SP3: variants seen among roughly 807,000 people sequenced by gnomAD.
SP3 encodes transcription factor Sp3.
In SP3, 10 loss-of-function variants were observed where a neutral mutation model predicts 70.3. The observed-to-expected ratio is 0.14, with a 90% CI of 0.09 to 0.24. The LOEUF (loss-of-function observed/expected upper bound fraction) is 0.24, where lower values mean the gene tolerates loss of function less well. Among genes scored for constraint, SP3 ranks in the 10% least tolerant of loss-of-function variants. The pLI is 1.00. For missense variants in SP3, 825 were observed against 914.6 expected (o/e 0.90, Z 1.26); for synonymous variants, 402 against 333.5 (o/e 1.21, Z -2.24).
At chr2:173,928,594 T>C (rs906404317) in intron 4 of SP3, among the ~76,000 whole-genome samples, 9 of 151,646 alleles carry the variant, frequency 5.9e-5, no homozygotes, top group South Asian at 2.1e-4. Flanking sequence ...TTGGTATCAA[T>C]ATAAATAGAA....
intron 3 of SP3, among the ~76,000 whole-genome samples, chr2:173,959,480 C>T (rs902353120): frequency 6.6e-6 from 1 of 152,174 alleles, no homozygotes; most frequent in African/African-American, 2.4e-5. Flanking sequence ...AATCCTAGCA[C>T]TGTGGGAGGC....
intron 3 of SP3, among the ~76,000 whole-genome samples, chr2:173,956,665 C>T (rs754690156): frequency 6.6e-6 from 1 of 152,130 alleles, no homozygotes; most frequent in Non-Finnish European, 1.5e-5. Flanking sequence ...TAAAATCAAA[C>T]AATGAAATCT....
Position 173,964,393 on chromosome 2 carries a change from G to T in SP3, c.156+12C>A, listed in dbSNP as rs1370628710. ...GAGGGGGGAGCCGGGCCGGGGTTCA[G>T]CCGCTCCTCACCTGGGCCGCCGCTG... On this transcript the variant is annotated intron_variant, in intron 2 of 6. Coordinates refer to ENST00000310015, the MANE Select transcript of SP3 (RefSeq NM_003111.5). 5.7e-6 allele frequency: 4 copies of T among 706,324 alleles called. No individual in the cohort carries two copies. Among genetic ancestry groups the T allele is most frequent in the Non-Finnish European group, 1.0e-5 (4 of 388,956 alleles). The allele number at this position is 706,324 out of a possible 1,614,324, so 43.8% of individuals were successfully genotyped here.
chr2:173,925,628 A>AT (rs1689891890), intron 4 of SP3, among the ~76,000 whole-genome samples: 1 of 152,194 alleles, frequency 6.6e-6, no homozygotes, highest in Admixed American at 6.5e-5. Flanking sequence ...ACTCCCATAG[A>AT]GGACTTATTT....
intron 5 of SP3, chr2:173,914,205 A>G (rs1046059068): frequency 6.6e-6 from 1 of 152,160 alleles, no homozygotes; most frequent in African/African-American, 2.4e-5. Flanking sequence ...CTGAATAAAA[A>G]TAAATTAGTT....
At chr2:173,934,026 G>A (rs1000990724) in intron 4 of SP3, among the ~76,000 whole-genome samples, 8 of 151,982 alleles carry the variant, frequency 5.3e-5, no homozygotes, top group Admixed American at 1.3e-4. Flanking sequence ...GAGCCCAGGT[G>A]TTCAAGACCA....
At chr2:173,949,704 C>CA (rs112018851) in intron 4 of SP3, among the ~76,000 whole-genome samples, 4,644 of 152,062 alleles carry the variant, frequency 0.031, 262 homozygotes, top group African/African-American at 0.11. Flanking sequence ...TCTATTTTCT[C>CA]AAAAAAAGAT....
intron 2 of SP3, 91 bp from the exon 3 acceptor site, chr2:173,963,974 G>T: frequency 1.1e-6 from 1 of 879,176 alleles, no homozygotes; most frequent in Non-Finnish European, 1.6e-6. Flanking sequence ...GTACGACTCG[G>T]TCCCCGCCGA....
intron 3 of SP3, among the ~76,000 whole-genome samples, chr2:173,961,081 T>C (rs1369196600): frequency 6.6e-6 from 1 of 152,252 alleles, no homozygotes; most frequent in Non-Finnish European, 1.5e-5. Context: ...TGGTCAAAGT[T>C]AATACTTGCA....
intron 5 of SP3, among the ~76,000 whole-genome samples, chr2:173,918,138 T>C (rs955625180): frequency 6.6e-6 from 1 of 152,090 alleles, no homozygotes; most frequent in Non-Finnish European, 1.5e-5. Context: ...AAGACTGAAC[T>C]GAAATACAAT....
At chr2:173,917,445 G>A (rs1689642390) in intron 5 of SP3, among the ~76,000 whole-genome samples, 1 of 152,062 alleles carries the variant, frequency 6.6e-6, no homozygotes, top group African/African-American at 2.4e-5. Flanking sequence ...TGTTGTGTGT[G>A]CTCTTAGGAG....
chr2:173,918,248 G>A (rs994810454), intron 5 of SP3, among the ~76,000 whole-genome samples: 19 of 151,804 alleles, frequency 1.3e-4, no homozygotes, highest in African/African-American at 1.9e-4. Context: ...TAATTTTTAC[G>A]TAACTACTAT....
intron 4 of SP3, among the ~76,000 whole-genome samples, chr2:173,933,638 T>TTATGTATATATA (rs1690128509): frequency 1.2e-5 from 1 of 86,566 alleles, no homozygotes; most frequent in Non-Finnish European, 2.4e-5. Context: ...TTATAAAACT[T>TTATGTATATATA]TATATATATA....
intron 4 of SP3, among the ~76,000 whole-genome samples, chr2:173,921,693 G>A (rs569123195): frequency 2.6e-5 from 4 of 152,258 alleles, no homozygotes; most frequent in Admixed American, 2.6e-4. Context: ...TCCAGCCTGG[G>A]CAACAAAGAA....
chr2:173,937,945 A>G (rs181067969), intron 4 of SP3, among the ~76,000 whole-genome samples: 1 of 152,380 alleles, frequency 6.6e-6, no homozygotes, highest in Admixed American at 6.5e-5. Context: ...GAATAAAAAT[A>G]CACTAAATCT....
chr2:173,929,404 G>A (rs914609510), intron 4 of SP3, among the ~76,000 whole-genome samples: 4 of 152,186 alleles, frequency 2.6e-5, no homozygotes, highest in African/African-American at 7.2e-5. Context: ...GACAGGATCT[G>A]CGCTGATGGG....
At chr2:173,932,750 T>C (rs1269231935) in intron 4 of SP3, among the ~76,000 whole-genome samples, 1 of 151,956 alleles carries the variant, frequency 6.6e-6, no homozygotes, top group Non-Finnish European at 1.5e-5. Flanking sequence ...CCCAGCACTT[T>C]GGGAGGCCAA....
At position 173,900,970 on chromosome 2, in the gene SP3, G is replaced by A. The variant is rs527489283; in HGVS notation, c.*8971C>T. Among the ~76,000 whole-genome samples, 105 of 152,252 alleles carry A rather than the reference G, an allele frequency of 6.9e-4. No individual in the cohort carries two copies. Among genetic ancestry groups the A allele is most frequent in the Middle Eastern group, 6.8e-3 (2 of 294 alleles). On this transcript the variant is annotated 3_prime_UTR_variant, in exon 7 of 7. Coordinates refer to ENST00000310015, the MANE Select transcript of SP3 (RefSeq NM_003111.5). Reference sequence around the variant, plus strand: ...TTTAATCCTAAAGTTCACAGAAAGAGCAAGGGGTCAAGAACAGTCAAAACC... The same window carrying A: ...TTTAATCCTAAAGTTCACAGAAAGAACAAGGGGTCAAGAACAGTCAAAACC...
intron 4 of SP3, among the ~76,000 whole-genome samples, chr2:173,932,594 T>C (rs1038544698): frequency 6.6e-6 from 1 of 152,182 alleles, no homozygotes; most frequent in Non-Finnish European, 1.5e-5. Context: ...ACAACCTTTA[T>C]ATCAATTAAG....
Sources: allele counts gnomAD v4.1 joint callset (sites outside exome capture counted in the v4.1 genomes callset), GRCh38; gene constraint gnomAD v4.1.1; transcripts MANE v1.5; gene names NCBI Gene and HGNC (gene_info 2026-07-23, HGNC 2026-07-21).